DCLK1: variants seen among roughly 807,000 people sequenced by gnomAD.
DCLK1 encodes doublecortin like kinase 1.
DCLK1 carries 16 observed loss-of-function variants against 86.2 expected under a neutral mutation model. The observed-to-expected ratio is 0.19, with a 90% CI of 0.13 to 0.28. The LOEUF (loss-of-function observed/expected upper bound fraction) is 0.28, where lower values mean the gene tolerates loss of function less well. Ranked by LOEUF, DCLK1 falls within the 10% of genes least tolerant of loss-of-function variation. The probability of loss-of-function intolerance (pLI) is 1.00; values close to 1 mark genes in which losing one functional copy is unlikely to be tolerated. For synonymous variants in DCLK1, 369 were observed against 370.5 expected, an observed-to-expected ratio of 1.00 and a Z score of 0.05; for missense variants, 590 against 940.2, an observed-to-expected ratio of 0.63 and a Z score of 4.87.
intron 6 of DCLK1, 110 bp downstream of exon 6, chr13:35,854,389 T>A: frequency 1.3e-6 from 1 of 792,180 alleles, no homozygotes; most frequent in East Asian, 3.0e-5. Flanking sequence ...TCACCTCCTG[T>A]TCTAGCTTAG....
chr13:35,981,356 T>C (rs761992223), intron 3 of DCLK1, among the ~76,000 whole-genome samples: 23 of 152,238 alleles, frequency 1.5e-4, no homozygotes, highest in Middle Eastern at 3.4e-3. Flanking sequence ...TTTAGTATCA[T>C]AGCAAAACTG....
chr13:36,040,379 C>G (rs189059898), intron 3 of DCLK1, among the ~76,000 whole-genome samples: 2,360 of 136,290 alleles, frequency 0.017, 87 homozygotes, highest in African/African-American at 0.06. Flanking sequence ...GAATACCCTG[C>G]AAATCTCTGA....
intron 3 of DCLK1, among the ~76,000 whole-genome samples, chr13:36,111,080 T>G (rs1011975106): frequency 3.3e-5 from 5 of 151,976 alleles, no homozygotes; most frequent in Non-Finnish European, 2.9e-5. Flanking sequence ...GTGATCCGCC[T>G]GCCTCGGCCT....
chr13:36,037,140 G>A (rs1199081640), intron 3 of DCLK1, among the ~76,000 whole-genome samples: 4 of 152,020 alleles, frequency 2.6e-5, no homozygotes, highest in Non-Finnish European at 5.9e-5. Context: ...TAAACCAAAT[G>A]CAGAAAGACA....
chr13:36,031,026 T>C (rs1274601716), intron 3 of DCLK1, among the ~76,000 whole-genome samples: 2 of 152,176 alleles, frequency 1.3e-5, no homozygotes, highest in Non-Finnish European at 2.9e-5. Flanking sequence ...TTCTAAACCA[T>C]GTATAAGATG....
chr13:35,891,845 C>T (rs1873662657), intron 4 of DCLK1, among the ~76,000 whole-genome samples: 1 of 152,178 alleles, frequency 6.6e-6, no homozygotes, highest in Admixed American at 6.5e-5. Context: ...TGTCCTCTTT[C>T]CCTTCTCAAA....
chr13:36,092,722 G>C (rs1676109339), intron 3 of DCLK1, among the ~76,000 whole-genome samples: 1 of 151,532 alleles, frequency 6.6e-6, no homozygotes. Context: ...TCCTGACCTC[G>C]TGATCCGCCC....
chr13:35,942,429 C>T (rs933777462), intron 4 of DCLK1, among the ~76,000 whole-genome samples: 74 of 152,146 alleles, frequency 4.9e-4, no homozygotes, highest in African/African-American at 1.7e-3. Flanking sequence ...GTGATCCACC[C>T]GCCTTGGCCT....
At chr13:35,884,389 T>G (rs991693177) in intron 4 of DCLK1, among the ~76,000 whole-genome samples, 2 of 152,132 alleles carry the variant, frequency 1.3e-5, no homozygotes, top group East Asian at 1.9e-4. Flanking sequence ...TTCATATATA[T>G]TGTCAGCTCA....
At chr13:36,110,380 C>G (rs955634090) in intron 3 of DCLK1, among the ~76,000 whole-genome samples, 3 of 152,058 alleles carry the variant, frequency 2.0e-5, no homozygotes, top group African/African-American at 7.2e-5. Context: ...CATTAGAATC[C>G]TTATCCGCAT....
intron 4 of DCLK1, among the ~76,000 whole-genome samples, chr13:35,893,798 G>A (rs760695522): frequency 6.6e-6 from 1 of 152,112 alleles, no homozygotes; most frequent in Non-Finnish European, 1.5e-5. Context: ...TGTATTAATG[G>A]TGTATCATAT....
intron 3 of DCLK1, among the ~76,000 whole-genome samples, chr13:36,103,245 A>C (rs2138167574): frequency 6.6e-6 from 1 of 152,204 alleles, no homozygotes; most frequent in Non-Finnish European, 1.5e-5. Context: ...TACTAAAAAT[A>C]CAAAAATTAG....
chr13:35,946,022 T>C (rs753920939), intron 4 of DCLK1, among the ~76,000 whole-genome samples: 15 of 152,168 alleles, frequency 9.9e-5, no homozygotes, highest in Non-Finnish European at 2.1e-4. Flanking sequence ...CTCTAAGTCA[T>C]TTTTTTGGGG....
Position 36,071,543 on chromosome 13 carries a change from C to A in DCLK1, c.723+40326G>T, listed in dbSNP as rs77368175. Among the ~76,000 whole-genome samples the A allele has an allele frequency of 7.8e-3, 1,191 of 152,226 alleles. 18 individuals are homozygous for A. Among genetic ancestry groups the A allele is most frequent in the African/African-American group, 0.027 (1,109 of 41,542 alleles). On this transcript the variant is annotated intron_variant, in intron 3 of 16. Coordinates refer to ENST00000360631, the MANE Select transcript of DCLK1 (RefSeq NM_001330071.2). ...TCTACTATGCTATGTTACTCCATAT[C>A]AAAGTATAAATTAGTGGCTATCATG...
At chr13:35,814,163 C>T (rs2087215232) in intron 11 of DCLK1, among the ~76,000 whole-genome samples, 1 of 152,138 alleles carries the variant, frequency 6.6e-6, no homozygotes, top group African/African-American at 2.4e-5. Context: ...TCTTACTGAG[C>T]CAGTTACACA....
chr13:35,891,420 T>C (rs55738828), intron 4 of DCLK1, among the ~76,000 whole-genome samples: 24,075 of 152,188 alleles, frequency 0.16, 2,300 homozygotes, highest in East Asian at 0.27. Flanking sequence ...AATGACTATA[T>C]TGTAAGTCTA....
intron 4 of DCLK1, among the ~76,000 whole-genome samples, chr13:35,875,536 T>C (rs1342559683): frequency 6.6e-6 from 1 of 152,178 alleles, no homozygotes; most frequent in African/African-American, 2.4e-5. Context: ...AAAAAGAAAC[T>C]TGGTATTTCT....
intron 11 of DCLK1, among the ~76,000 whole-genome samples, chr13:35,819,714 G>A (rs1287659218): frequency 6.6e-6 from 1 of 151,624 alleles, no homozygotes; most frequent in African/African-American, 2.4e-5. Flanking sequence ...ATAGTCTATA[G>A]CTTTACATTT....
chr13:35,888,904 A>G (rs1873463076), intron 4 of DCLK1, among the ~76,000 whole-genome samples: 1 of 152,242 alleles, frequency 6.6e-6, no homozygotes, highest in South Asian at 2.1e-4. Flanking sequence ...TTGTATTTCT[A>G]TGACAAACTT....
Sources: gnomAD v4.1 joint callset for allele counts (sites outside exome capture counted in the v4.1 genomes callset) on GRCh38, gnomAD v4.1.1 for gene constraint, MANE v1.5 for transcripts, NCBI Gene and HGNC (gene_info 2026-07-23, HGNC 2026-07-21) for gene names.